Variants in CMIP observed in about 807,000 individuals in gnomAD.
CMIP encodes C-Maf-inducing protein.
In CMIP, 13 loss-of-function variants were observed where a neutral mutation model predicts 97.3. The ratio of observed to expected loss-of-function variants is 0.13; its 90% CI spans 0.09 to 0.21. The LOEUF is 0.21. CMIP is among the 10% of genes least tolerant of loss of function. CMIP has a pLI of 1.00. For missense variants in CMIP, 847 were observed against 1,024.9 expected, an observed-to-expected ratio of 0.83 and a Z score of 2.37; for synonymous variants, 538 against 436.3, an observed-to-expected ratio of 1.23 and a Z score of -2.91.
chr16:81,598,960 C>T (rs910145731), intron 1 of CMIP, among the ~76,000 whole-genome samples: 2 of 119,072 alleles, frequency 1.7e-5, no homozygotes, highest in Admixed American at 9.1e-5. Context: ...CAGAGCAAGA[C>T]TCTGTCTCAA....
At chr16:81,574,338 C>T (rs1011731349) in intron 1 of CMIP, among the ~76,000 whole-genome samples, 3 of 152,216 alleles carry the variant, frequency 2.0e-5, no homozygotes, top group African/African-American at 4.8e-5. Context: ...TAGCCTGGCA[C>T]CAACAACTTC....
At chr16:81,677,846 GGAGGGCAGTTA>G in intron 9 of CMIP, among the ~76,000 whole-genome samples, 1 of 152,320 alleles carries the variant, frequency 6.6e-6, no homozygotes, top group Admixed American at 6.5e-5. Context: ...GTCAGGGATT[GGAGGGCAGTTA>G]GACTGCAGGA....
At chr16:81,691,981 C>G (rs1400184487) in intron 11 of CMIP, 141 bp downstream of exon 11, 2 of 721,574 alleles carry the variant, frequency 2.8e-6, no homozygotes, top group African/African-American at 3.5e-5. Context: ...GGTACCAGCT[C>G]AGCCACGTCC....
intron 1 of CMIP, among the ~76,000 whole-genome samples, chr16:81,477,290 G>T (rs1454523148): frequency 6.6e-6 from 1 of 152,102 alleles, no homozygotes; most frequent in Non-Finnish European, 1.5e-5. Flanking sequence ...GAGTAGCGGG[G>T]ATTACAAGCT....
chr16:81,709,804 C>A lies in CMIP; in HGVS notation c.*5C>A. The A allele has an allele frequency of 6.2e-7, 1 of 1,613,822 alleles. No homozygotes were observed. Among genetic ancestry groups the A allele is most frequent in the Non-Finnish European group, 8.5e-7 (1 of 1,179,794 alleles). On this transcript the variant is annotated 3_prime_UTR_variant, in exon 21 of 21. Transcript: ENST00000537098. ...CGCTACACCGAAGCCTGGTGAAGCT[C>A]CCAGCTCAAGGCAGGAAGACGTTTG...
In CMIP at chr16:81,487,363, G is replaced by C. The variant is rs993148933; in HGVS notation, c.300+41822G>C. ...CCTGAGGAACCCGCTTCAAACCTGGGTGGTCAGGGCCGAGTGGGGCTCTGA... is the reference window on the plus strand; with the variant it reads ...CCTGAGGAACCCGCTTCAAACCTGGCTGGTCAGGGCCGAGTGGGGCTCTGA... On this transcript the variant is annotated intron_variant, in intron 1 of 20. Transcript: ENST00000537098. 4.6e-5 allele frequency among the ~76,000 whole-genome samples: 7 copies of C among 152,320 alleles called. No homozygotes were observed. The East Asian group carries it at 1.4e-3, about 29-fold the overall frequency.
intron 16 of CMIP, 123 bp downstream of exon 16, chr16:81,701,923 A>C (rs1597272425): frequency 2.4e-6 from 3 of 1,250,742 alleles, no homozygotes; most frequent in East Asian, 2.4e-5. Flanking sequence ...TCTCCTCCAA[A>C]CCCCAGAAAT....
chr16:81,553,157 C>T (rs973026786), intron 1 of CMIP, among the ~76,000 whole-genome samples: 8 of 152,174 alleles, frequency 5.3e-5, no homozygotes. Context: ...GTTTCTCAGT[C>T]TTCCCTCGTT....
At position 81,664,572 on chromosome 16, in the gene CMIP, C is replaced by T. The variant is rs1337881584; in HGVS notation, c.825+223C>T. 9 of 578,198 alleles carry T rather than the reference C, an allele frequency of 1.6e-5. No homozygotes were observed. In the South Asian group the frequency reaches 1.8e-4, roughly 11 times the overall value. The allele number at this position is 578,198 out of a possible 1,614,324, so 35.8% of individuals were successfully genotyped here. On this transcript the variant is annotated intron_variant, in intron 7 of 20. Transcript: ENST00000537098. ...ATCTTTTTGCAGTTCCTAAGAATTACAAAAATACCGCAGCTGGAGGAGAAG... is the reference window on the plus strand; with the variant it reads ...ATCTTTTTGCAGTTCCTAAGAATTATAAAAATACCGCAGCTGGAGGAGAAG...
At chr16:81,515,957 A>G (rs1160314893) in intron 1 of CMIP, among the ~76,000 whole-genome samples, 4 of 152,154 alleles carry the variant, frequency 2.6e-5, no homozygotes, top group Non-Finnish European at 4.4e-5. Context: ...GACGGACCCT[A>G]TGGCCTGTCC....
chr16:81,473,811 G>GTTTT (rs5818337), intron 1 of CMIP, among the ~76,000 whole-genome samples: 6 of 127,068 alleles, frequency 4.7e-5, no homozygotes, highest in Admixed American at 2.3e-4. Context: ...CCACACAGTG[G>GTTTT]TTTTTTTTTT....
chr16:81,484,597 G>T (rs60143411), intron 1 of CMIP, among the ~76,000 whole-genome samples: 1 of 151,902 alleles, frequency 6.6e-6, no homozygotes, highest in Admixed American at 6.5e-5. Flanking sequence ...TTGTAGTGGG[G>T]TCATTGGGTA....
rs1424005220 is a variant in CMIP at position 81,445,561 on chromosome 16, T to G, written c.300+20T>G. 3 of 1,527,860 alleles carry G rather than the reference T, an allele frequency of 2.0e-6. No homozygotes were observed. Among genetic ancestry groups the G allele is most frequent in the South Asian group, 2.4e-5 (2 of 82,690 alleles). The allele number at this position is 1,527,860 out of a possible 1,614,324, so 94.6% of individuals were successfully genotyped here. ...GCCACGGTGAGTGGCTCTGCGCGGCTGCACCCCCGCCTCTCCTCGGGGCCC... is the reference window on the plus strand; with the variant it reads ...GCCACGGTGAGTGGCTCTGCGCGGCGGCACCCCCGCCTCTCCTCGGGGCCC... On this transcript the variant is annotated intron_variant, in intron 1 of 20. Coordinates refer to ENST00000537098, the MANE Select transcript of CMIP (RefSeq NM_198390.3).
rs1243128298 is a variant in CMIP, at chr16:81,649,168, A to G, written c.478-3035A>G. ...ATAAGAGCTAGCACTGTGCTGGCAC[A>G]TGGTATGTCCTCATGAAATTTTAGC... On this transcript the variant is annotated intron_variant, in intron 3 of 20. Transcript: ENST00000537098. Among the ~76,000 whole-genome samples, 2 of 152,260 alleles carry G rather than the reference A, an allele frequency of 1.3e-5. 1 individual carries two copies. Among genetic ancestry groups the G allele is most frequent in the Non-Finnish European group, 2.9e-5 (2 of 68,048 alleles).
At chr16:81,659,019 G>A (rs59213495) in intron 5 of CMIP, among the ~76,000 whole-genome samples, 7 of 152,216 alleles carry the variant, frequency 4.6e-5, no homozygotes, top group Non-Finnish European at 1.0e-4. Context: ...TGTCTGGCAC[G>A]TAGTGGGCTC....
intron 1 of CMIP, among the ~76,000 whole-genome samples, chr16:81,472,513 G>C (rs563637486): frequency 6.6e-6 from 1 of 152,326 alleles, no homozygotes; most frequent in East Asian, 1.9e-4. Context: ...CCACTCACTT[G>C]ACACCGTTGA....
At chr16:81,454,317 A>G (rs557175622) in intron 1 of CMIP, among the ~76,000 whole-genome samples, 5 of 152,296 alleles carry the variant, frequency 3.3e-5, no homozygotes, top group African/African-American at 1.2e-4. Flanking sequence ...TCAGATAAAG[A>G]GAGCTGGGAG....
intron 7 of CMIP, among the ~76,000 whole-genome samples, chr16:81,669,614 C>T (rs115062174): frequency 0.015 from 2,248 of 147,202 alleles, 76 homozygotes; most frequent in African/African-American, 0.054. Context: ...CACCTCCTTC[C>T]GCACCAACCT....
intron 1 of CMIP, among the ~76,000 whole-genome samples, chr16:81,584,874 C>T (rs1333250468): frequency 2.0e-5 from 3 of 152,150 alleles, no homozygotes; most frequent in African/African-American, 7.2e-5. Context: ...GGCCTGGATG[C>T]CTCCATGAGT....
Sources: allele counts gnomAD v4.1 joint callset (sites outside exome capture counted in the v4.1 genomes callset), GRCh38; gene constraint gnomAD v4.1.1; transcripts MANE v1.5; gene names NCBI Gene and HGNC (gene_info 2026-07-23, HGNC 2026-07-21).